The following CC2D2B variants were observed in gnomAD, a reference collection of about 807,000 sequenced individuals.
The protein encoded by CC2D2B is protein CC2D2B.
CC2D2B carries 128 observed loss-of-function variants against 161.2 expected under a neutral mutation model. That is an observed-to-expected ratio of 0.79 (90% CI 0.69 to 0.92). CC2D2B has a LOEUF of 0.92. Ranked by LOEUF, CC2D2B falls within the 40% of genes least tolerant of loss-of-function variation. The probability of loss-of-function intolerance (pLI) is 0.00; values close to 1 mark genes in which losing one functional copy is unlikely to be tolerated. For synonymous variants in CC2D2B, 391 were observed against 449.8 expected (o/e 0.87, Z 1.65); for missense variants, 1,173 against 1,375.1 (o/e 0.85, Z 2.32).
At chr10:95,930,893 G>C (rs553906220) in intron 6 of CC2D2B, among the ~76,000 whole-genome samples, 1 of 152,266 alleles carries the variant, frequency 6.6e-6, no homozygotes, top group Admixed American at 6.5e-5. Context: ...GATGATGCTG[G>C]CCTCATAAAA....
At chr10:95,965,062 C>T (rs1434055224) in intron 12 of CC2D2B, among the ~76,000 whole-genome samples, 1 of 152,118 alleles carries the variant, frequency 6.6e-6, no homozygotes, top group Non-Finnish European at 1.5e-5. Context: ...TTTGCCAAAA[C>T]AGCTGCACCA....
At chr10:95,929,533 T>TA in intron 6 of CC2D2B, among the ~76,000 whole-genome samples, 1 of 152,254 alleles carries the variant, frequency 6.6e-6, no homozygotes, top group South Asian at 2.1e-4. Context: ...TTTTAGGTCT[T>TA]ACATTTAAGT....
intron 20 of CC2D2B, 128 bp downstream of exon 20, chr10:95,988,470 T>A: frequency 2.5e-6 from 1 of 400,122 alleles, no homozygotes; most frequent in Non-Finnish European, 4.4e-6. Context: ...CTCTTTCAGA[T>A]CACTGAGGAG....
Position 95,922,013 on chromosome 10 carries a change from C to A in CC2D2B, c.37-3C>A. 6.6e-7 allele frequency: 1 copy of A among 1,514,752 alleles called. No individual in the cohort carries two copies. Among genetic ancestry groups the A allele is most frequent in the Non-Finnish European group, 8.9e-7 (1 of 1,126,850 alleles). 93.8% of individuals were successfully genotyped at this position (1,514,752 alleles called of 1,614,324 possible). A position where few individuals can be genotyped will look rare whatever the true frequency, so the allele number is the denominator to read the frequency against. On this transcript the variant is annotated splice_region_variant and splice_polypyrimidine_tract_variant and intron_variant, in intron 2 of 34. Coordinates refer to ENST00000646931, the MANE Select transcript of CC2D2B (RefSeq NM_001349008.3). Reference sequence around the variant, plus strand: ...AGTTTAACCCTCCCTGCTTTTTTTGCAGATGTCAGAAGAGATGGATAATAT... The same window carrying A: ...AGTTTAACCCTCCCTGCTTTTTTTGAAGATGTCAGAAGAGATGGATAATAT...
At chr10:95,934,306 C>T (rs994856335) in intron 6 of CC2D2B, among the ~76,000 whole-genome samples, 1 of 152,188 alleles carries the variant, frequency 6.6e-6, no homozygotes, top group Non-Finnish European at 1.5e-5. Flanking sequence ...TTGATCTTAG[C>T]TTGCGGGGCT....
chr10:95,996,189 A>T lies in CC2D2B; in HGVS notation c.2786A>T (p.Tyr929Phe). ...FVEVSFQHTV[Y>F]KTNTASGSHP... ...GAAGTTTCTTTCCAGCACACTGTATACAAAACCAATACAGCAAGTGGATCT... is the reference window on the plus strand; with the variant it reads ...GAAGTTTCTTTCCAGCACACTGTATTCAAAACCAATACAGCAAGTGGATCT... Residue 929 changes from tyrosine (Y) to phenylalanine (F), a missense_variant, in exon 24 of 35, where the codon TAC (tyrosine) becomes TTC (phenylalanine). Physicochemically the swap from Tyr to Phe is conservative, Grantham distance 22 (BLOSUM62 3). Transcript: ENST00000646931. 1 of 1,520,148 alleles carries T rather than the reference A, an allele frequency of 6.6e-7. No homozygotes were observed. Among genetic ancestry groups the T allele is most frequent in the Non-Finnish European group, 8.8e-7 (1 of 1,136,248 alleles). The allele number at this position is 1,520,148 out of a possible 1,614,324, so 94.2% of individuals were successfully genotyped here. A position where few individuals can be genotyped will look rare whatever the true frequency, so the allele number is the denominator to read the frequency against.
rs186025659 is a variant in CC2D2B at position 95,974,949 on chromosome 10, C to A, written c.1943+793C>A. On this transcript the variant is annotated intron_variant, in intron 17 of 34. Coordinates refer to ENST00000646931, the MANE Select transcript of CC2D2B (RefSeq NM_001349008.3). ...GTCATTACACAGTTGTCAAAACCTACAGAATTTACAAGACCAAGGGTGAAC... is the reference window on the plus strand; with the variant it reads ...GTCATTACACAGTTGTCAAAACCTAAAGAATTTACAAGACCAAGGGTGAAC... Among the ~76,000 whole-genome samples, 417 of 152,246 alleles carry A rather than the reference C, an allele frequency of 2.7e-3. 3 individuals are homozygous for A. Among genetic ancestry groups the A allele is most frequent in the African/African-American group, 8.3e-3 (346 of 41,542 alleles).
intron 6 of CC2D2B, among the ~76,000 whole-genome samples, chr10:95,929,000 G>C (rs1168578067): frequency 6.6e-6 from 1 of 151,946 alleles, no homozygotes; most frequent in African/African-American, 2.4e-5. Context: ...CACAATGGTG[G>C]AAGACACTCC....
rs1399899577 is a variant in CC2D2B at position 95,993,938 on chromosome 10, GTGTGTATGTATGTGTATATATATATATA to G, written c.2642+1243_2642+1270del. Among the ~76,000 whole-genome samples, 178 of 38,314 alleles carry G rather than the reference GTGTGTATGTATGTGTATATATATATATA, an allele frequency of 4.6e-3. 8 individuals are homozygous for G. Among genetic ancestry groups the G allele is most frequent in the South Asian group, 0.038 (34 of 892 alleles). The allele number at this position is 38,314 out of a possible 152,430, so 25.1% of individuals were successfully genotyped here. A position where few individuals can be genotyped will look rare whatever the true frequency, so the allele number is the denominator to read the frequency against. On this transcript the variant is annotated intron_variant, in intron 22 of 34. Transcript: ENST00000646931. ...TGTGTGTGTGTGTGTGTGTGTGTGTGTGTGTATGTATGTGTATATATATATATATATATATATATATATATATATATAT... is the reference window on the plus strand; with the variant it reads ...TGTGTGTGTGTGTGTGTGTGTGTGTGTATATATATATATATATATATATAT...
At chr10:96,006,422 C>T (rs907671744) in intron 25 of CC2D2B, among the ~76,000 whole-genome samples, 1 of 151,120 alleles carries the variant, frequency 6.6e-6, no homozygotes, top group African/African-American at 2.4e-5. Flanking sequence ...TAACAGTCTT[C>T]TAATACTGTA....
chr10:95,965,978 A>C lies in CC2D2B; in HGVS notation c.1333A>C (p.Lys445Gln). ...TEKKNEGKEL[K>Q]NGKKLESLSY... Reference sequence around the variant, plus strand: ...GAAGAAAAATGAAGGAAAAGAACTTAAGAATGGGAAAAAACTGGAGGTATT... The same window carrying C: ...GAAGAAAAATGAAGGAAAAGAACTTCAGAATGGGAAAAAACTGGAGGTATT... The change falls in exon 13 of 35, where the codon AAG becomes CAG. Residue 445 changes from lysine (K) to glutamine (Q), a missense_variant. Coordinates refer to ENST00000646931, the MANE Select transcript of CC2D2B (RefSeq NM_001349008.3). 1.7e-6 allele frequency: 2 copies of C among 1,201,942 alleles called. No individual in the cohort carries two copies. Among genetic ancestry groups the C allele is most frequent in the Non-Finnish European group, 2.1e-6 (2 of 960,690 alleles). The allele number at this position is 1,201,942 out of a possible 1,614,324, so 74.5% of individuals were successfully genotyped here.
In CC2D2B at chr10:95,972,115, C is replaced by G; in HGVS notation, c.1694C>G (p.Pro565Arg). The change falls in exon 16 of 35, where the codon CCT (proline) becomes CGT (arginine). Residue 565 changes from proline to arginine, a missense_variant. Pro to Arg is a moderately radical substitution (Grantham distance 103, BLOSUM62 -2). Transcript: ENST00000646931. ...RTSLLAKLYI[P>R]LPNYTELKGK... ...AGCTTACTGGCAAAACTATATATAC[C>G]TTTACCTAACTACACAGAGCTGAAA... 2 of 1,230,628 alleles carry G rather than the reference C, an allele frequency of 1.6e-6. No homozygotes were observed. 76.2% of individuals were successfully genotyped at this position (1,230,628 alleles called of 1,614,324 possible). A position where few individuals can be genotyped will look rare whatever the true frequency, so the allele number is the denominator to read the frequency against.
chr10:95,991,930 C>G (rs920899379), intron 21 of CC2D2B, among the ~76,000 whole-genome samples: 2 of 152,206 alleles, frequency 1.3e-5, no homozygotes, highest in Admixed American at 1.3e-4. Flanking sequence ...AATTCTCATA[C>G]TGTCCTATCT....
chr10:95,971,977 A>T (rs1254574091), intron 15 of CC2D2B, 89 bp from the exon 16 acceptor site: 3 of 627,868 alleles, frequency 4.8e-6, no homozygotes, highest in Non-Finnish European at 6.9e-6. Flanking sequence ...TCTGGTATTT[A>T]AAAAAATATA....
chr10:95,989,523 GT>G (rs1333806121), intron 20 of CC2D2B, among the ~76,000 whole-genome samples: 11 of 152,148 alleles, frequency 7.2e-5, no homozygotes, highest in Non-Finnish European at 7.3e-5. Flanking sequence ...TTAATAGTGA[GT>G]TTGTGGTCTC....
chr10:95,974,682 T>C (rs979496549), intron 17 of CC2D2B, among the ~76,000 whole-genome samples: 2 of 152,182 alleles, frequency 1.3e-5, no homozygotes, highest in African/African-American at 2.4e-5. Flanking sequence ...TTTAAAATAA[T>C]GAACAATGAT....
At chr10:95,915,541 T>G (rs1289118576) in intron 2 of CC2D2B, among the ~76,000 whole-genome samples, 1 of 152,242 alleles carries the variant, frequency 6.6e-6, no homozygotes, top group Non-Finnish European at 1.5e-5. Flanking sequence ...GCTGTGGGTC[T>G]GTCACATATG....
At chr10:95,984,361 T>C (rs957127111) in intron 19 of CC2D2B, among the ~76,000 whole-genome samples, 3 of 152,172 alleles carry the variant, frequency 2.0e-5, no homozygotes, top group East Asian at 1.9e-4. Context: ...TTAGATAATA[T>C]TGGAGAATTG....
chr10:95,970,444 A>G (rs1408544027), intron 15 of CC2D2B, among the ~76,000 whole-genome samples: 2 of 152,136 alleles, frequency 1.3e-5, no homozygotes, highest in East Asian at 1.9e-4. Context: ...GCTTTTGTAC[A>G]TGTTAGCTGC....
Sources: gnomAD v4.1 joint callset for allele counts (sites outside exome capture counted in the v4.1 genomes callset) on GRCh38, gnomAD v4.1.1 for gene constraint, MANE v1.5 for transcripts, NCBI Gene and HGNC (gene_info 2026-07-23, HGNC 2026-07-21) for gene names.